Variants in CHRM3 observed in about 807,000 individuals in gnomAD.
CHRM3 encodes the protein cholinergic receptor muscarinic 3.
Under a neutral mutation model 41.8 loss-of-function variants are expected in CHRM3, and 11 were observed. The ratio of observed to expected loss-of-function variants is 0.26; its 90% confidence interval spans 0.17 to 0.44. The LOEUF is 0.44. Ranked by LOEUF, CHRM3 falls within the 20% of genes least tolerant of loss-of-function variation. The pLI is 1.00. For synonymous variants in CHRM3, 297 were observed against 301.4 expected, an observed-to-expected ratio of 0.99 and a Z score of 0.15; for missense variants, 571 against 745.4, an observed-to-expected ratio of 0.77 and a Z score of 2.72.
rs189178728 is a variant in CHRM3, at chr1:239,548,100, G to T, written c.-313+2351G>T. On this transcript the variant is annotated intron_variant, in intron 3 of 6. Transcript: ENST00000676153. ...CATAATCATGAGTTCTATATCAGAC[G>T]TACGCTTGTTTTTATTATGAATCAA... Among the ~76,000 whole-genome samples the T allele has an allele frequency of 2.0e-3, 300 of 152,194 alleles. 1 individual carries two copies. The highest frequency in any genetic ancestry group is 6.9e-3 in the African/African-American group (288 of 41,534).
intron 6 of CHRM3, among the ~76,000 whole-genome samples, chr1:239,871,112 T>C (rs1434969241): frequency 2.0e-5 from 3 of 152,122 alleles, no homozygotes; most frequent in Admixed American, 6.5e-5. Flanking sequence ...TCAAGAAAAG[T>C]AGACAGTTGG....
chr1:239,405,270 A>G (rs940260029), intron 1 of CHRM3, among the ~76,000 whole-genome samples: 6 of 152,166 alleles, frequency 3.9e-5, no homozygotes, highest in African/African-American at 1.4e-4. Context: ...CCCACACACA[A>G]TCTCTTCTAT....
intron 1 of CHRM3, among the ~76,000 whole-genome samples, chr1:239,422,950 A>G (rs1429088196): frequency 2.6e-5 from 4 of 152,184 alleles, no homozygotes; most frequent in African/African-American, 9.7e-5. Flanking sequence ...GGAAGGAAAT[A>G]AAAGAATGAT....
intron 4 of CHRM3, among the ~76,000 whole-genome samples, chr1:239,650,868 A>G (rs1672170609): frequency 6.6e-6 from 1 of 152,238 alleles, no homozygotes; most frequent in Admixed American, 6.5e-5. Flanking sequence ...ATTCAATTAT[A>G]TAAAATACGG....
chr1:239,535,680 A>T (rs1332416545), intron 2 of CHRM3, among the ~76,000 whole-genome samples: 5 of 151,622 alleles, frequency 3.3e-5, no homozygotes, highest in Admixed American at 2.6e-4. Context: ...CCTTATCCAT[A>T]TATTTATTTC....
At chr1:239,887,790 T>G (rs1678198102) in intron 6 of CHRM3, among the ~76,000 whole-genome samples, 2 of 152,170 alleles carry the variant, frequency 1.3e-5, no homozygotes, top group South Asian at 4.1e-4. Context: ...AATCAGAAAA[T>G]GTATTCTGAA....
At chr1:239,756,226 C>T (rs764964253) in intron 5 of CHRM3, among the ~76,000 whole-genome samples, 7 of 152,156 alleles carry the variant, frequency 4.6e-5, no homozygotes, top group Non-Finnish European at 1.0e-4. Flanking sequence ...CTCACTATAA[C>T]GTACAGAGTC....
chr1:239,564,006 T>G (rs1661123021), intron 3 of CHRM3, among the ~76,000 whole-genome samples: 1 of 152,192 alleles, frequency 6.6e-6, no homozygotes, highest in Admixed American at 6.6e-5. Flanking sequence ...CAAAAAATAA[T>G]TTTTAGAAGC....
intron 5 of CHRM3, among the ~76,000 whole-genome samples, chr1:239,771,150 G>A (rs1431085454): frequency 6.6e-6 from 1 of 151,610 alleles, no homozygotes; most frequent in Non-Finnish European, 1.5e-5. Flanking sequence ...TTCAGATGAT[G>A]CTGATTTTTT....
chr1:239,482,556 C>G (rs1013546666), intron 1 of CHRM3, among the ~76,000 whole-genome samples: 1 of 152,122 alleles, frequency 6.6e-6, no homozygotes, highest in Non-Finnish European at 1.5e-5. Context: ...GGCCTAACCC[C>G]TAGTCACTCT....
chr1:239,771,665 C>T (rs1667686905), intron 5 of CHRM3, among the ~76,000 whole-genome samples: 2 of 152,168 alleles, frequency 1.3e-5, no homozygotes, highest in African/African-American at 4.8e-5. Flanking sequence ...TATAATATAT[C>T]AAGCTTTGAG....
chr1:239,772,924 A>C (rs1667807518), intron 5 of CHRM3, among the ~76,000 whole-genome samples: 2 of 152,166 alleles, frequency 1.3e-5, no homozygotes, highest in Admixed American at 1.3e-4. Flanking sequence ...CTGTCAGACT[A>C]AGTGTCTTCA....
At chr1:239,570,391 C>A (rs1661719791) in intron 3 of CHRM3, among the ~76,000 whole-genome samples, 1 of 152,174 alleles carries the variant, frequency 6.6e-6, no homozygotes, top group Non-Finnish European at 1.5e-5. Flanking sequence ...TCGGGTATTT[C>A]TTTATAGCAG....
chr1:239,840,168 G>A (rs1359341197), intron 6 of CHRM3, among the ~76,000 whole-genome samples: 1 of 152,128 alleles, frequency 6.6e-6, no homozygotes, highest in African/African-American at 2.4e-5. Flanking sequence ...AAAGTTGTCT[G>A]TAAATTTACC....
chr1:239,805,308 G>T (rs1670544055), intron 5 of CHRM3, among the ~76,000 whole-genome samples: 1 of 152,112 alleles, frequency 6.6e-6, no homozygotes, highest in Non-Finnish European at 1.5e-5. Context: ...GCTTAATCAT[G>T]AACTATAACT....
intron 2 of CHRM3, among the ~76,000 whole-genome samples, chr1:239,500,148 A>G (rs1261586182): frequency 1.3e-5 from 2 of 152,104 alleles, no homozygotes; most frequent in Non-Finnish European, 2.9e-5. Flanking sequence ...GAATTTTGTC[A>G]AAGGCCTTTT....
At chr1:239,796,254 C>G (rs2148891628) in intron 5 of CHRM3, among the ~76,000 whole-genome samples, 1 of 151,316 alleles carries the variant, frequency 6.6e-6, no homozygotes, top group African/African-American at 2.4e-5. Context: ...CATTAGAGCT[C>G]AAGAAAGAAA....
At chr1:239,899,666 A>G (rs1005284847) in intron 6 of CHRM3, 1 of 152,048 alleles carries the variant, frequency 6.6e-6, no homozygotes, top group African/African-American at 2.4e-5. Flanking sequence ...TAGTATATAT[A>G]CACGATATAA....
intron 2 of CHRM3, among the ~76,000 whole-genome samples, chr1:239,508,250 A>T (rs1446185742): frequency 6.6e-6 from 1 of 152,240 alleles, no homozygotes; most frequent in African/African-American, 2.4e-5. Flanking sequence ...GAGAACAATT[A>T]TGAAGCTAGG....
Sources: allele counts gnomAD v4.1 joint callset (sites outside exome capture counted in the v4.1 genomes callset), GRCh38; gene constraint gnomAD v4.1.1; transcripts MANE v1.5; gene names NCBI Gene and HGNC (gene_info 2026-07-23, HGNC 2026-07-21).